The following ZFYVE16 variants were observed in gnomAD, a reference collection of about 807,000 sequenced individuals.
ZFYVE16 encodes zinc finger FYVE-type containing 16.
ZFYVE16 carries 89 observed loss-of-function variants against 138.1 expected under a neutral mutation model. The ratio of observed to expected loss-of-function variants is 0.64; its 90% confidence interval spans 0.54 to 0.77. The LOEUF is 0.77. Among genes scored for constraint, ZFYVE16 ranks in the 30% least tolerant of loss-of-function variants. ZFYVE16 has a pLI of 0.00. For synonymous variants in ZFYVE16, 596 were observed against 618.3 expected, an observed-to-expected ratio of 0.96 and a Z score of 0.53; for missense variants, 1,793 against 1,786.7, an observed-to-expected ratio of 1.00 and a Z score of -0.06.
chr5:80,456,837 G>A, intron 13 of ZFYVE16, 108 bp from the exon 14 acceptor site: 1 of 1,321,414 alleles, frequency 7.6e-7, no homozygotes. Context: ...GAGCTGTCCA[G>A]ACCGAAGCTT....
At chr5:80,440,625 G>A in intron 5 of ZFYVE16, 4 of 968,706 alleles carry the variant, frequency 4.1e-6, no homozygotes, top group South Asian at 4.8e-5. Context: ...ACAATTATTA[G>A]CAATATTCTT....
At chr5:80,413,854 A>G (rs1254337112) in intron 1 of ZFYVE16, among the ~76,000 whole-genome samples, 2 of 152,140 alleles carry the variant, frequency 1.3e-5, no homozygotes, top group South Asian at 2.1e-4. Flanking sequence ...TTCCCATCCT[A>G]ATGCGATTTG....
At chr5:80,433,120 A>G (rs1481661278) in intron 2 of ZFYVE16, among the ~76,000 whole-genome samples, 2 of 152,188 alleles carry the variant, frequency 1.3e-5, no homozygotes, top group African/African-American at 2.4e-5. Flanking sequence ...TCATGCTGCT[A>G]TAAAGACACA....
At chr5:80,425,135 A>C (rs1313418003) in intron 1 of ZFYVE16, among the ~76,000 whole-genome samples, 3 of 152,188 alleles carry the variant, frequency 2.0e-5, no homozygotes, top group Non-Finnish European at 4.4e-5. Context: ...TTTCAAATAT[A>C]GTTGTTCCAT....
In ZFYVE16 at chr5:80,480,099, A is replaced by G. The variant is rs1755208579; in HGVS notation, c.*2722A>G. Reference sequence around the variant, plus strand: ...TCAAATATGTCTAGTAACACATAGTAAAAAGTAGTCATATAAGGAAACTAG... The same window carrying G: ...TCAAATATGTCTAGTAACACATAGTGAAAAGTAGTCATATAAGGAAACTAG... On this transcript the variant is annotated 3_prime_UTR_variant, in exon 19 of 19. Coordinates refer to ENST00000505560, the MANE Select transcript of ZFYVE16 (RefSeq NM_001284236.3). Among the ~76,000 whole-genome samples, 1 of 152,184 alleles carries G rather than the reference A, an allele frequency of 6.6e-6. No homozygotes were observed. Among genetic ancestry groups the G allele is most frequent in the Non-Finnish European group, 1.5e-5 (1 of 68,028 alleles).
intron 15 of ZFYVE16, among the ~76,000 whole-genome samples, chr5:80,460,944 CCTT>C (rs1024095523): frequency 2.0e-5 from 3 of 152,190 alleles, no homozygotes; most frequent in African/African-American, 4.8e-5. Flanking sequence ...TATCCATACT[CCTT>C]CTACTCTCCT....
chr5:80,471,386 C>T (rs1038400125), intron 15 of ZFYVE16, among the ~76,000 whole-genome samples: 2 of 150,216 alleles, frequency 1.3e-5, no homozygotes, highest in East Asian at 1.9e-4. Flanking sequence ...TTAGAAATTA[C>T]TGATGCACAC....
intron 10 of ZFYVE16, 80 bp from the exon 11 acceptor site, chr5:80,451,402 TGGA>T: frequency 9.1e-7 from 1 of 1,094,696 alleles, no homozygotes; most frequent in Admixed American, 2.7e-5. Context: ...ATCAGTTTTT[TGGA>T]TTTTGGACAA....
At position 80,459,495 on chromosome 5, in the gene ZFYVE16, G is replaced by T; in HGVS notation, c.4024+1G>T. Reference sequence around the variant, plus strand: ...CTTGCTAAGTCCAGCATAGTTGAAGGTATGAATTTCATTTTTAATGGTGTT... The same window carrying T: ...CTTGCTAAGTCCAGCATAGTTGAAGTTATGAATTTCATTTTTAATGGTGTT... On this transcript the variant is annotated splice_donor_variant, in intron 15 of 18. Coordinates refer to ENST00000505560, the MANE Select transcript of ZFYVE16 (RefSeq NM_001284236.3). LOFTEE classifies it high-confidence loss of function. The T allele has an allele frequency of 6.2e-7, 1 of 1,605,962 alleles. No homozygotes were observed. The highest frequency in any genetic ancestry group is 8.5e-7 in the Non-Finnish European group (1 of 1,176,282).
At chr5:80,421,138 G>A (rs1747101544) in intron 1 of ZFYVE16, among the ~76,000 whole-genome samples, 1 of 151,944 alleles carries the variant, frequency 6.6e-6, no homozygotes, top group African/African-American at 2.4e-5. Context: ...CTTTTTGATG[G>A]GGTTGTTTGT....
At chr5:80,431,972 A>G (rs933086524) in intron 2 of ZFYVE16, among the ~76,000 whole-genome samples, 7 of 152,198 alleles carry the variant, frequency 4.6e-5, no homozygotes, top group African/African-American at 1.7e-4. Flanking sequence ...ATGCTCATGG[A>G]TAGGGAGAAT....
At chr5:80,426,262 GTGTGTGTGTGTATATA>G (rs1403603702) in intron 1 of ZFYVE16, among the ~76,000 whole-genome samples, 1,464 of 57,158 alleles carry the variant, frequency 0.026, 30 homozygotes, top group African/African-American at 0.057. Flanking sequence ...GTGTGTGTGT[GTGTGTGTGTGTATATA>G]TATATATATA....
At position 80,481,120 on chromosome 5, in the gene ZFYVE16, G is replaced by T. The variant is rs564972724; in HGVS notation, c.*3743G>T. Among the ~76,000 whole-genome samples the T allele has an allele frequency of 6.6e-6, 1 of 152,192 alleles. No individual in the cohort carries two copies. The highest frequency in any genetic ancestry group is 6.5e-5 in the Admixed American group (1 of 15,278). On this transcript the variant is annotated 3_prime_UTR_variant, in exon 19 of 19. Coordinates refer to ENST00000505560, the MANE Select transcript of ZFYVE16 (RefSeq NM_001284236.3). ...CACCGCCCCACCAGGAGAACCATGG[G>T]TAATGACTTGGAACCTTCTGGACTT...
rs1755259765 is a variant in ZFYVE16 at position 80,481,260 on chromosome 5, C to G, written c.*3883C>G. ...CACTGGCAATGGGGAGGCTAACGCCCTGACTTTCTAGCCAAAAACCAAGAA... is the reference window on the plus strand; with the variant it reads ...CACTGGCAATGGGGAGGCTAACGCCGTGACTTTCTAGCCAAAAACCAAGAA... On this transcript the variant is annotated 3_prime_UTR_variant, in exon 19 of 19. Transcript: ENST00000505560. Among the ~76,000 whole-genome samples, 1 of 152,156 alleles carries G rather than the reference C, an allele frequency of 6.6e-6. No individual in the cohort carries two copies. Among genetic ancestry groups the G allele is most frequent in the Non-Finnish European group, 1.5e-5 (1 of 68,038 alleles).
rs1190279477 is a variant in ZFYVE16 at position 80,450,580 on chromosome 5, C to A, written c.3376C>A (p.Leu1126Ile). The A allele has an allele frequency of 1.2e-6, 2 of 1,612,812 alleles. No homozygotes were observed. Among genetic ancestry groups the A allele is most frequent in the South Asian group, 2.2e-5 (2 of 90,934 alleles). Residue 1126 changes from leucine (L) to isoleucine (I), a missense_variant, in exon 10 of 19, where the codon CTA becomes ATA. This residue lies in a region of ZFYVE16 where 498 missense variants were observed against 582.4 expected (regional missense o/e 0.86). Transcript: ENST00000505560. ...ATTTATCACCATATATAAGGATGCT[C>A]TAAAAGGTATGGCATTTTATTTTGA... ...RLFITIYKDALKGKYIENLDN... is the reference protein window; with the variant it reads ...RLFITIYKDAIKGKYIENLDN...
At chr5:80,419,664 A>G (rs1021311949) in intron 1 of ZFYVE16, among the ~76,000 whole-genome samples, 27 of 152,220 alleles carry the variant, frequency 1.8e-4, no homozygotes, top group Non-Finnish European at 2.1e-4. Context: ...GGCATGAGCC[A>G]CTGCGCCTGG....
chr5:80,465,211 T>G (rs560278360), intron 15 of ZFYVE16, among the ~76,000 whole-genome samples: 2 of 152,148 alleles, frequency 1.3e-5, no homozygotes, highest in East Asian at 3.9e-4. Context: ...TTCTTGTACT[T>G]GAAGTGTGCC....
At chr5:80,460,891 T>A (rs1753031264) in intron 15 of ZFYVE16, among the ~76,000 whole-genome samples, 1 of 152,230 alleles carries the variant, frequency 6.6e-6, no homozygotes, top group African/African-American at 2.4e-5. Context: ...AATGAAATCA[T>A]CACCCACCTT....
intron 15 of ZFYVE16, among the ~76,000 whole-genome samples, chr5:80,466,079 C>T (rs1293001543): frequency 6.6e-6 from 1 of 151,932 alleles, no homozygotes; most frequent in African/African-American, 2.4e-5. Context: ...CACCCACCAC[C>T]ACGCCCAGCT....
Sources: allele counts gnomAD v4.1 joint callset (sites outside exome capture counted in the v4.1 genomes callset), GRCh38; gene constraint gnomAD v4.1.1; regional missense constraint gnomAD v4.1.1; transcripts MANE v1.5; gene names NCBI Gene and HGNC (gene_info 2026-07-23, HGNC 2026-07-21).